SOX6: variants seen among roughly 807,000 people sequenced by gnomAD.
The protein encoded by SOX6 is transcription factor SOX-6.
A neutral mutation model predicts 97.8 loss-of-function variants in SOX6; 11 were observed. The observed-to-expected ratio is 0.11, with a 90% CI of 0.07 to 0.19. The LOEUF is 0.19. Ranked by LOEUF, SOX6 falls within the 10% of genes least tolerant of loss-of-function variation. SOX6 has a pLI of 1.00. For synonymous variants in SOX6, 360 were observed against 371.4 expected (o/e 0.97, Z 0.35); for missense variants, 810 against 1,039.5 (o/e 0.78, Z 3.04).
chr11:16,265,692 A>G (rs1030071114), intron 3 of SOX6, among the ~76,000 whole-genome samples: 1 of 151,968 alleles, frequency 6.6e-6, no homozygotes, highest in Non-Finnish European at 1.5e-5. Context: ...TATTTTTTAC[A>G]TGTTTGCTAA....
At chr11:16,683,863 T>C (rs1337794445) in intron 3 of SOX6, among the ~76,000 whole-genome samples, 1 of 151,764 alleles carries the variant, frequency 6.6e-6, no homozygotes, top group Non-Finnish European at 1.5e-5. Flanking sequence ...ATCAAGAATC[T>C]ACAAAGAACT....
At chr11:16,353,498 T>A (rs1363166006) in intron 1 of SOX6, among the ~76,000 whole-genome samples, 3 of 152,204 alleles carry the variant, frequency 2.0e-5, no homozygotes, top group Middle Eastern at 3.4e-3. Flanking sequence ...CACATTTTTT[T>A]ATACACACCA....
intron 1 of SOX6, among the ~76,000 whole-genome samples, chr11:16,458,873 G>A (rs1644116344): frequency 6.6e-6 from 1 of 152,016 alleles, no homozygotes; most frequent in African/African-American, 2.4e-5. Flanking sequence ...ATGCACAGAG[G>A]TGAACTCTAA....
At chr11:16,139,950 A>T (rs1384909056) in intron 6 of SOX6, among the ~76,000 whole-genome samples, 2 of 139,174 alleles carry the variant, frequency 1.4e-5, no homozygotes, top group Non-Finnish European at 3.1e-5. Flanking sequence ...TGGCTCATAT[A>T]TTATATATAT....
chr11:16,577,723 C>T (rs1476008226), intron 4 of SOX6, among the ~76,000 whole-genome samples: 4 of 152,048 alleles, frequency 2.6e-5, no homozygotes, highest in South Asian at 2.1e-4. Context: ...ATTTGTAAAT[C>T]GTATTTGGAG....
At chr11:16,661,946 T>C (rs1025887758) in intron 3 of SOX6, among the ~76,000 whole-genome samples, 8 of 152,232 alleles carry the variant, frequency 5.3e-5, no homozygotes, top group African/African-American at 1.9e-4. Flanking sequence ...TTCTCTCTTC[T>C]GTCCCCTGTA....
At chr11:16,508,506 A>C (rs12793829) in intron 4 of SOX6, among the ~76,000 whole-genome samples, 27,872 of 152,118 alleles carry the variant, frequency 0.18, 2,608 homozygotes, top group African/African-American at 0.22. Context: ...TGGCCATAAA[A>C]AAAATAAATC....
upstream of SOX6, among the ~76,000 whole-genome samples, chr11:16,476,712 T>C (rs970661074): frequency 6.6e-6 from 1 of 152,214 alleles, no homozygotes; most frequent in African/African-American, 2.4e-5. Flanking sequence ...ATAATTTATA[T>C]TTGAAAAACA....
At chr11:16,424,094 C>G (rs532621074) in intron 1 of SOX6, among the ~76,000 whole-genome samples, 1 of 152,050 alleles carries the variant, frequency 6.6e-6, no homozygotes, top group Non-Finnish European at 1.5e-5. Flanking sequence ...ACATTCAATA[C>G]AGTTACCCAG....
chr11:16,048,722 C>T (rs1199598672), intron 11 of SOX6, among the ~76,000 whole-genome samples: 1 of 152,062 alleles, frequency 6.6e-6, no homozygotes, highest in Non-Finnish European at 1.5e-5. Flanking sequence ...GCATTTTAGA[C>T]TTCAGGACTC....
chr11:16,446,234 G>A (rs1208701201), intron 1 of SOX6, among the ~76,000 whole-genome samples: 2 of 151,560 alleles, frequency 1.3e-5, no homozygotes, highest in African/African-American at 4.8e-5. Context: ...ACAAGATGGA[G>A]GAGAGAAGAA....
intron 6 of SOX6, among the ~76,000 whole-genome samples, chr11:16,148,677 C>A (rs941538705): frequency 6.6e-6 from 1 of 152,074 alleles, no homozygotes; most frequent in Non-Finnish European, 1.5e-5. Flanking sequence ...CTACTGCTGG[C>A]GCACCCACGC....
intron 3 of SOX6, among the ~76,000 whole-genome samples, chr11:16,262,566 T>A (rs899748904): frequency 1.3e-5 from 2 of 152,102 alleles, no homozygotes; most frequent in African/African-American, 4.8e-5. Flanking sequence ...AGAAGAGAGC[T>A]GCATACCATA....
At chr11:16,157,004 G>A (rs1850620955) in intron 6 of SOX6, among the ~76,000 whole-genome samples, 1 of 151,908 alleles carries the variant, frequency 6.6e-6, no homozygotes, top group Admixed American at 6.6e-5. Flanking sequence ...CACTGATAAT[G>A]AGCAGTGATT....
intron 15 of SOX6, among the ~76,000 whole-genome samples, chr11:15,980,031 C>T (rs1180045618): frequency 1.3e-5 from 2 of 151,904 alleles, no homozygotes; most frequent in African/African-American, 4.8e-5. Context: ...CTGTTAAATA[C>T]ATAGGATGAA....
intron 4 of SOX6, among the ~76,000 whole-genome samples, chr11:16,484,998 A>G (rs1394948434): frequency 6.6e-6 from 1 of 152,200 alleles, no homozygotes; most frequent in African/African-American, 2.4e-5. Context: ...ACTAGGAAGA[A>G]TACCTTTACA....
chr11:16,349,974 ATACT>A (rs1307638325), intron 1 of SOX6, among the ~76,000 whole-genome samples: 1 of 152,174 alleles, frequency 6.6e-6, no homozygotes, highest in East Asian at 1.9e-4. Flanking sequence ...TTTAGAACAG[ATACT>A]TCTGTTCTAA....
chr11:16,564,744 T>A (rs1366701405), intron 4 of SOX6, among the ~76,000 whole-genome samples: 1 of 151,830 alleles, frequency 6.6e-6, no homozygotes, highest in Non-Finnish European at 1.5e-5. Flanking sequence ...GAAATTTTTT[T>A]AAAAAAAGAA....
chr11:16,502,548 G>A (rs1860724610), intron 4 of SOX6, among the ~76,000 whole-genome samples: 1 of 151,676 alleles, frequency 6.6e-6, no homozygotes, highest in Non-Finnish European at 1.5e-5. Context: ...CTGTAACTGA[G>A]GAATTCATTA....
Sources: gnomAD v4.1 joint callset for allele counts (sites outside exome capture counted in the v4.1 genomes callset) on GRCh38, gnomAD v4.1.1 for gene constraint, MANE v1.5 for transcripts, NCBI Gene and HGNC (gene_info 2026-07-23, HGNC 2026-07-21) for gene names.